Variants in ELMO1 observed in about 807,000 individuals in gnomAD.
ELMO1 encodes the protein engulfment and cell motility 1.
In ELMO1, 26 loss-of-function variants were observed where a neutral mutation model predicts 98.9. That is an observed-to-expected ratio of 0.26 (90% CI 0.19 to 0.36). The LOEUF (loss-of-function observed/expected upper bound fraction) is 0.36. Ranked by LOEUF, ELMO1 falls within the 10% of genes least tolerant of loss-of-function variation. The pLI, the probability that ELMO1 is intolerant of heterozygous loss-of-function variation, is 1.00. For missense variants in ELMO1, 627 were observed against 935.2 expected (o/e 0.67, Z 4.30); for synonymous variants, 346 against 346.0 (o/e 1.00, Z 0.00).
chr7:37,327,987 C>A (rs1284564978), intron 2 of ELMO1, among the ~76,000 whole-genome samples: 1 of 152,150 alleles, frequency 6.6e-6, no homozygotes, highest in Non-Finnish European at 1.5e-5. Context: ...TACAGTGTAG[C>A]AACAGCTACT....
Position 37,426,128 on chromosome 7 carries a change from CTCTTTTTTTCTT to C in ELMO1, c.-74+22535_-74+22546del, listed in dbSNP as rs1444863558. ...CTTAGAGTTCTCTCTCTCTCTCTCCCTCTTTTTTTCTTTCTTTTTTTTTTTTTTTTTTTTTTT... is the reference window on the plus strand; with the variant it reads ...CTTAGAGTTCTCTCTCTCTCTCTCCCTCTTTTTTTTTTTTTTTTTTTTTTT... On this transcript the variant is annotated intron_variant, in intron 1 of 21. Coordinates refer to ENST00000310758, the MANE Select transcript of ELMO1 (RefSeq NM_014800.11). Among the ~76,000 whole-genome samples, 38 of 144,564 alleles carry C rather than the reference CTCTTTTTTTCTT, an allele frequency of 2.6e-4. 1 individual carries two copies. Among genetic ancestry groups the C allele is most frequent in the African/African-American group, 9.0e-4 (36 of 40,186 alleles). The allele number at this position is 144,564 out of a possible 152,430, so 94.8% of individuals were successfully genotyped here.
At chr7:36,881,875 T>C (rs1360228020) in intron 18 of ELMO1, among the ~76,000 whole-genome samples, 2 of 152,178 alleles carry the variant, frequency 1.3e-5, no homozygotes, top group African/African-American at 4.8e-5. Context: ...GAAAACAAAT[T>C]ATAAATTTTC....
chr7:36,899,998 T>C (rs1806370328), intron 16 of ELMO1, among the ~76,000 whole-genome samples: 1 of 152,182 alleles, frequency 6.6e-6, no homozygotes, highest in Admixed American at 6.5e-5. Context: ...AAGCTTCTCC[T>C]ATAAAAATAT....
At chr7:37,421,906 A>G (rs11767774) in intron 1 of ELMO1, among the ~76,000 whole-genome samples, 34,822 of 152,076 alleles carry the variant, frequency 0.23, 4,216 homozygotes, top group East Asian at 0.41. Context: ...AGCTGGGGCC[A>G]AAAGTGATGG....
chr7:37,418,694 G>A (rs1188247649), intron 1 of ELMO1, among the ~76,000 whole-genome samples: 1 of 152,196 alleles, frequency 6.6e-6, no homozygotes, highest in African/African-American at 2.4e-5. Context: ...GAAGTCTCAG[G>A]CAGGGCCAAG....
intron 15 of ELMO1, among the ~76,000 whole-genome samples, chr7:37,088,789 T>C (rs1783916452): frequency 1.3e-5 from 2 of 152,250 alleles, no homozygotes; most frequent in South Asian, 2.1e-4. Flanking sequence ...CAAATGACTT[T>C]TATGCTCTCT....
chr7:37,369,973 T>C (rs1049182287), intron 1 of ELMO1, among the ~76,000 whole-genome samples: 2 of 152,082 alleles, frequency 1.3e-5, no homozygotes, highest in Admixed American at 1.3e-4. Context: ...CCTTATCTGA[T>C]TGAGAAAACT....
chr7:37,373,411 A>C (rs951753285), intron 1 of ELMO1, among the ~76,000 whole-genome samples: 1 of 152,148 alleles, frequency 6.6e-6, no homozygotes, highest in South Asian at 2.1e-4. Flanking sequence ...GTTTGAGACC[A>C]GCCTGGCCAA....
chr7:37,136,436 A>T (rs1787268951), intron 13 of ELMO1, among the ~76,000 whole-genome samples: 2 of 152,206 alleles, frequency 1.3e-5, no homozygotes, highest in African/African-American at 4.8e-5. Flanking sequence ...AGGTAATCTA[A>T]AGTTAAGACA....
chr7:37,247,435 C>A (rs947078737), intron 6 of ELMO1, among the ~76,000 whole-genome samples: 1 of 152,112 alleles, frequency 6.6e-6, no homozygotes, highest in Non-Finnish European at 1.5e-5. Flanking sequence ...GACTTGCAGA[C>A]AATTCGATTC....
intron 16 of ELMO1, among the ~76,000 whole-genome samples, chr7:36,904,675 A>C (rs1040091248): frequency 6.6e-6 from 1 of 152,232 alleles, no homozygotes; most frequent in East Asian, 1.9e-4. Flanking sequence ...AATTCATCTT[A>C]AACTCAATTA....
chr7:37,401,116 G>T (rs1803509965), intron 1 of ELMO1, among the ~76,000 whole-genome samples: 1 of 152,160 alleles, frequency 6.6e-6, no homozygotes, highest in Admixed American at 6.5e-5. Context: ...AGGTAAGCTT[G>T]TCCAGGAAGA....
chr7:37,165,127 GCT>G (rs1322275554), intron 13 of ELMO1, among the ~76,000 whole-genome samples: 1 of 152,106 alleles, frequency 6.6e-6, no homozygotes, highest in African/African-American at 2.4e-5. Context: ...TCATGATTTG[GCT>G]CTCTGTTCGT....
chr7:37,197,154 T>C (rs538118078), intron 13 of ELMO1: 6 of 152,336 alleles, frequency 3.9e-5, no homozygotes, highest in South Asian at 2.1e-4. Flanking sequence ...CCACTTCTCA[T>C]TGGAAAGTTT....
Position 37,342,558 on chromosome 7 carries a change from T to C in ELMO1, c.78+55A>G. On this transcript the variant is annotated intron_variant, in intron 2 of 21. Coordinates refer to ENST00000310758, the MANE Select transcript of ELMO1 (RefSeq NM_014800.11). This position sits in a 1 kb window ranked among gnomAD's most constrained non-coding sequence, Gnocchi z 4.3. ...GTGAGCTATCCAAAGTCTATGAAAA[T>C]TCCAGTATAGAAAGGAAACTGAAAA... The C allele has an allele frequency of 6.4e-7, 1 of 1,550,406 alleles. No homozygotes were observed. The highest frequency in any genetic ancestry group is 8.9e-7 in the Non-Finnish European group (1 of 1,122,258).
chr7:37,172,249 C>T (rs1052483100), intron 13 of ELMO1, among the ~76,000 whole-genome samples: 1 of 151,680 alleles, frequency 6.6e-6, no homozygotes, highest in Non-Finnish European at 1.5e-5. Flanking sequence ...TTGAAAATCG[C>T]TGTTCTCAGA....
chr7:37,214,934 C>T (rs1038004465), intron 11 of ELMO1, among the ~76,000 whole-genome samples: 2 of 152,176 alleles, frequency 1.3e-5, no homozygotes, highest in Non-Finnish European at 2.9e-5. Flanking sequence ...TATCTCAGGG[C>T]ATTCTAACCC....
intron 4 of ELMO1, among the ~76,000 whole-genome samples, chr7:37,303,762 A>C (rs1006144963): frequency 1.3e-5 from 2 of 152,190 alleles, no homozygotes; most frequent in Non-Finnish European, 2.9e-5. Flanking sequence ...CATTAGTTTC[A>C]TAGCTGAACT....
chr7:37,079,946 C>T (rs1797776722), intron 15 of ELMO1, among the ~76,000 whole-genome samples: 2 of 152,164 alleles, frequency 1.3e-5, no homozygotes, highest in Admixed American at 1.3e-4. Flanking sequence ...AAACTCCAGA[C>T]ACATATATCC....
Sources: allele counts gnomAD v4.1 joint callset (sites outside exome capture counted in the v4.1 genomes callset), GRCh38; gene constraint gnomAD v4.1.1; non-coding constraint Gnocchi (gnomAD v3.1); transcripts MANE v1.5; gene names NCBI Gene and HGNC (gene_info 2026-07-23, HGNC 2026-07-21).